Variants in BIRC6 observed in about 807,000 individuals in gnomAD.
The protein encoded by BIRC6 is dual E2 ubiquitin-conjugating enzyme/E3 ubiquitin-protein ligase BIRC6.
BIRC6 carries 98 observed loss-of-function variants against 503.3 expected under a neutral mutation model. The observed-to-expected ratio is 0.19, with a 90% CI of 0.17 to 0.23. BIRC6 has a LOEUF of 0.23. Ranked by LOEUF, BIRC6 falls within the 10% of genes least tolerant of loss-of-function variation. The pLI is 1.00. For missense variants in BIRC6, 5,360 were observed against 5,806.0 expected (o/e 0.92, Z 2.50); for synonymous variants, 2,240 against 2,078.7 (o/e 1.08, Z -2.11).
intron 65 of BIRC6, among the ~76,000 whole-genome samples, chr2:32,559,706 G>A (rs1433574267): frequency 1.3e-5 from 2 of 149,400 alleles, no homozygotes; most frequent in South Asian, 2.1e-4. Context: ...GGTTGGGGGG[G>A]TCTTCAAAAT....
At chr2:32,374,997 A>G (rs2036536433) in intron 1 of BIRC6, among the ~76,000 whole-genome samples, 1 of 152,196 alleles carries the variant, frequency 6.6e-6, no homozygotes, top group African/African-American at 2.4e-5. Context: ...GTCCATGAAC[A>G]TGGTATTATT....
chr2:32,604,793 G>A (rs995676161), intron 71 of BIRC6, among the ~76,000 whole-genome samples: 12 of 152,098 alleles, frequency 7.9e-5, no homozygotes, highest in East Asian at 3.9e-4. Flanking sequence ...GTAAACTCAC[G>A]TCACAAGGGT....
intron 72 of BIRC6, among the ~76,000 whole-genome samples, chr2:32,611,206 C>T (rs865849826): frequency 6.6e-6 from 1 of 151,280 alleles, no homozygotes; most frequent in African/African-American, 2.4e-5. Flanking sequence ...CCCGGGTTCA[C>T]GCCATTCTCT....
chr2:32,380,358 T>C (rs887229514), intron 3 of BIRC6, 68 bp downstream of exon 3: 78 of 1,448,936 alleles, frequency 5.4e-5, no homozygotes, highest in Non-Finnish European at 6.7e-5. Context: ...TTTTGCACTT[T>C]CCTTTCCTCT....
intron 22 of BIRC6, among the ~76,000 whole-genome samples, chr2:32,452,418 T>G (rs1382770237): frequency 6.6e-6 from 1 of 152,158 alleles, no homozygotes; most frequent in Non-Finnish European, 1.5e-5. Context: ...ATTTCTACTA[T>G]GGTAAATACC....
In BIRC6 at chr2:32,439,704, T is replaced by G; in HGVS notation, c.3810+18T>G. The G allele has an allele frequency of 1.2e-6, 2 of 1,605,044 alleles. No individual in the cohort carries two copies. Among genetic ancestry groups the G allele is most frequent in the Non-Finnish European group, 1.7e-6 (2 of 1,172,484 alleles). The stretch of plus-strand genomic sequence containing the variant: ...CAGGCAAGGTATGAAACTGTCATTT[T>G]GAACAATAACAATACAGTTTTAAAC... On this transcript the variant is annotated intron_variant, in intron 16 of 73. Transcript: ENST00000421745.
chr2:32,467,270 T>C (rs1369304974), intron 26 of BIRC6, among the ~76,000 whole-genome samples: 2 of 152,218 alleles, frequency 1.3e-5, no homozygotes, highest in African/African-American at 2.4e-5. Context: ...TAGCTGGGAC[T>C]AGAGGCACTT....
At chr2:32,528,117 T>A (rs1170163972) in intron 59 of BIRC6, 2 of 152,318 alleles carry the variant, frequency 1.3e-5, no homozygotes, top group Non-Finnish European at 2.9e-5. Context: ...CCTCAGCTGC[T>A]TCTGATGTTT....
At chr2:32,516,659 G>A (rs1188495593) in intron 55 of BIRC6, among the ~76,000 whole-genome samples, 1 of 150,068 alleles carries the variant, frequency 6.7e-6, no homozygotes, top group Non-Finnish European at 1.5e-5. Context: ...TGGGTGTGGT[G>A]GATTGTCATA....
chr2:32,463,117 T>A, intron 23 of BIRC6, 77 bp from the exon 24 acceptor site: 1 of 1,237,014 alleles, frequency 8.1e-7, no homozygotes, highest in Non-Finnish European at 1.1e-6. Flanking sequence ...GCCAAAATAT[T>A]TGAACATGTT....
At chr2:32,410,681 T>C (rs1331568929) in intron 9 of BIRC6, among the ~76,000 whole-genome samples, 1 of 152,104 alleles carries the variant, frequency 6.6e-6, no homozygotes, top group Non-Finnish European at 1.5e-5. Flanking sequence ...TCTCAGTTGC[T>C]TATTGCTCTA....
rs10580859 is a variant in BIRC6, at chr2:32,393,946, C to CTATATA, written c.952-1547_952-1542dup. The stretch of plus-strand genomic sequence containing the variant: ...TCTTTACTAAAATTAAACCAGAAAA[C>CTATATA]TATATATATATATATATATATATGA... On this transcript the variant is annotated intron_variant, in intron 5 of 73. Coordinates refer to ENST00000421745, the MANE Select transcript of BIRC6 (RefSeq NM_016252.4). 2.7e-4 allele frequency among the ~76,000 whole-genome samples: 40 copies of CTATATA among 145,604 alleles called. No individual in the cohort carries two copies. The East Asian group carries it at 3.2e-3, about 12-fold the overall frequency.
At chr2:32,596,849 T>C (rs1242202122) in intron 68 of BIRC6, among the ~76,000 whole-genome samples, 2 of 152,228 alleles carry the variant, frequency 1.3e-5, no homozygotes, top group Non-Finnish European at 2.9e-5. Flanking sequence ...AGTCATTTCA[T>C]GTATATGAAT....
At chr2:32,591,382 T>C (rs141367370) in intron 66 of BIRC6, among the ~76,000 whole-genome samples, 1 of 152,192 alleles carries the variant, frequency 6.6e-6, no homozygotes, top group African/African-American at 2.4e-5. Flanking sequence ...AAAATAAAAT[T>C]TATCATCCTA....
chr2:32,550,913 AGATC>A (rs1298387863), intron 65 of BIRC6, among the ~76,000 whole-genome samples: 1 of 152,174 alleles, frequency 6.6e-6, no homozygotes, highest in South Asian at 2.1e-4. Context: ...TTAATGTGAC[AGATC>A]GAAGTTTGAC....
intron 1 of BIRC6, among the ~76,000 whole-genome samples, chr2:32,371,118 C>T (rs966486649): frequency 7.4e-6 from 1 of 135,006 alleles, no homozygotes; most frequent in Non-Finnish European, 1.5e-5. Context: ...GAGGCTGAGG[C>T]GGGAGGATTG....
intron 61 of BIRC6, among the ~76,000 whole-genome samples, chr2:32,535,783 T>C (rs886855467): frequency 2.6e-5 from 4 of 152,244 alleles, no homozygotes; most frequent in African/African-American, 9.6e-5. Flanking sequence ...CATGTGTCTT[T>C]ATAGCAGCAT....
chr2:32,479,611 A>G lies in BIRC6; in HGVS notation c.7402A>G (p.Ile2468Val). 1 of 1,601,376 alleles carries G rather than the reference A, an allele frequency of 6.2e-7. No homozygotes were observed. The highest frequency in any genetic ancestry group is 8.5e-7 in the Non-Finnish European group (1 of 1,171,752). The change falls in exon 37 of 74, where the codon ATA (isoleucine) becomes GTA (valine). Residue 2468 changes from isoleucine (I) to valine (V), a missense_variant. Ile to Val is a conservative substitution (Grantham distance 29). Transcript: ENST00000421745. The part of the protein sequence containing the change: ...ETIDEPLTHD[I>V]TGAPPLSSLE... ...TATAGATGAACCTTTGACACATGAC[A>G]TAACAGGTAAAGTTTTACATTATGT...
chr2:32,455,297 G>A (rs1441704074), intron 23 of BIRC6, among the ~76,000 whole-genome samples: 1 of 150,264 alleles, frequency 6.7e-6, no homozygotes, highest in Non-Finnish European at 1.5e-5. Flanking sequence ...GGAGAATGGC[G>A]TGAACGTGAG....
Sources: gnomAD v4.1 joint callset for allele counts (sites outside exome capture counted in the v4.1 genomes callset) on GRCh38, gnomAD v4.1.1 for gene constraint, MANE v1.5 for transcripts, NCBI Gene and HGNC (gene_info 2026-07-23, HGNC 2026-07-21) for gene names.